Variants in RORA observed in about 807,000 individuals in gnomAD.
RORA encodes the protein nuclear receptor ROR-alpha.
In RORA, 7 loss-of-function variants were observed where a neutral mutation model predicts 69.5. That is an observed-to-expected ratio of 0.10 (90% CI 0.06 to 0.19). The LOEUF (loss-of-function observed/expected upper bound fraction) is 0.19, where lower values mean the gene tolerates loss of function less well. Among genes scored for constraint, RORA ranks in the 10% least tolerant of loss-of-function variants. The pLI is 1.00. For synonymous variants in RORA, 261 were observed against 240.8 expected, an observed-to-expected ratio of 1.08 and a Z score of -0.78; for missense variants, 457 against 663.0, an observed-to-expected ratio of 0.69 and a Z score of 3.41.
At chr15:60,605,824 CAT>C (rs2068932940) in intron 2 of RORA, among the ~76,000 whole-genome samples, 1 of 152,190 alleles carries the variant, frequency 6.6e-6, no homozygotes, top group Non-Finnish European at 1.5e-5. Context: ...GTTTTTTAAA[CAT>C]ATAAATCGTC....
chr15:60,639,666 G>T (rs2069906268), intron 2 of RORA, among the ~76,000 whole-genome samples: 1 of 152,286 alleles, frequency 6.6e-6, no homozygotes, highest in South Asian at 2.1e-4. Flanking sequence ...GTTGTCATCG[G>T]GTTGCACAAG....
At chr15:60,671,551 A>T (rs890047123) in intron 2 of RORA, among the ~76,000 whole-genome samples, 20 of 151,940 alleles carry the variant, frequency 1.3e-4, no homozygotes, top group African/African-American at 4.6e-4. Context: ...CTGAGGCAGG[A>T]GGATCTCTTG....
chr15:60,589,076 A>G (rs1013358137), intron 2 of RORA, among the ~76,000 whole-genome samples: 2 of 152,222 alleles, frequency 1.3e-5, no homozygotes, highest in Non-Finnish European at 2.9e-5. Flanking sequence ...TTCTCTTTTC[A>G]AGATCCAGCC....
At chr15:61,136,438 A>G (rs1040630995) in intron 1 of RORA, among the ~76,000 whole-genome samples, 2 of 152,236 alleles carry the variant, frequency 1.3e-5, no homozygotes, top group African/African-American at 4.8e-5. Context: ...AGTCTCATCT[A>G]CAGTTATTAT....
At chr15:60,675,587 C>T (rs2070540670) in intron 2 of RORA, among the ~76,000 whole-genome samples, 1 of 152,194 alleles carries the variant, frequency 6.6e-6, no homozygotes, top group South Asian at 2.1e-4. Flanking sequence ...GTACCCTTCT[C>T]AGAAGCTTAG....
At chr15:61,018,270 G>A (rs1895374533) in intron 1 of RORA, among the ~76,000 whole-genome samples, 1 of 152,102 alleles carries the variant, frequency 6.6e-6, no homozygotes, top group Admixed American at 6.6e-5. Context: ...CAAGTACCGG[G>A]GGCCTCTCCT....
intron 2 of RORA, among the ~76,000 whole-genome samples, chr15:60,567,559 C>T (rs1038625207): frequency 8.6e-5 from 13 of 151,934 alleles, no homozygotes; most frequent in Non-Finnish European, 1.3e-4. Context: ...TACAGGCATG[C>T]ACCACCACAC....
intron 1 of RORA, among the ~76,000 whole-genome samples, chr15:60,957,617 G>A (rs935828482): frequency 6.6e-6 from 1 of 152,234 alleles, no homozygotes; most frequent in Non-Finnish European, 1.5e-5. Flanking sequence ...ATAGTTCAGT[G>A]AGGCAGAGAT....
intron 2 of RORA, among the ~76,000 whole-genome samples, chr15:60,533,295 C>G (rs953071133): frequency 3.9e-5 from 6 of 152,138 alleles, no homozygotes; most frequent in African/African-American, 1.4e-4. Flanking sequence ...TTCCAGATCT[C>G]ACATCCAGTG....
intron 1 of RORA, among the ~76,000 whole-genome samples, chr15:61,192,603 T>C (rs2079810919): frequency 6.6e-6 from 1 of 152,248 alleles, no homozygotes; most frequent in Admixed American, 6.5e-5. Flanking sequence ...TACACTGCCC[T>C]GAGACCCAAA....
intron 1 of RORA, among the ~76,000 whole-genome samples, chr15:61,028,343 A>G (rs1895940863): frequency 6.6e-6 from 1 of 152,206 alleles, no homozygotes; most frequent in African/African-American, 2.4e-5. Context: ...AATAGAGACT[A>G]TGCCAAGGAA....
chr15:60,846,546 G>C (rs1271183248), intron 1 of RORA, among the ~76,000 whole-genome samples: 1 of 152,184 alleles, frequency 6.6e-6, no homozygotes, highest in Non-Finnish European at 1.5e-5. Context: ...ACTAATTAGA[G>C]CCACTGGTAA....
chr15:61,019,442 C>T (rs185190991), intron 1 of RORA, among the ~76,000 whole-genome samples: 33 of 152,306 alleles, frequency 2.2e-4, no homozygotes, highest in African/African-American at 7.2e-4. Flanking sequence ...ATATACCAAA[C>T]ATTATTTCCT....
intron 1 of RORA, among the ~76,000 whole-genome samples, chr15:61,032,577 T>G (rs533394785): frequency 6.6e-6 from 1 of 152,328 alleles, no homozygotes; most frequent in East Asian, 1.9e-4. Context: ...CACACCCAGG[T>G]TGGACCAAGG....
rs750671943 is a variant in RORA, at chr15:61,153,654, G to C, written c.166+75399C>G. On this transcript the variant is annotated intron_variant, in intron 1 of 10. Coordinates refer to ENST00000335670, the MANE Select transcript of RORA (RefSeq NM_134261.3). ...ATTTTTGTTAATTGATTTGCATGAG[G>C]GGATTTGGGCATGATCAGCTGTAAA... 2.0e-5 allele frequency among the ~76,000 whole-genome samples: 3 copies of C among 152,318 alleles called. No homozygotes were observed. The South Asian group carries it at 6.2e-4, about 32-fold the overall frequency.
intron 1 of RORA, among the ~76,000 whole-genome samples, chr15:60,837,161 C>G (rs1360877071): frequency 2.6e-5 from 4 of 152,012 alleles, no homozygotes; most frequent in African/African-American, 7.2e-5. Context: ...CATGAGCCAT[C>G]ATGCCGCACC....
chr15:61,174,319 C>A (rs553265576), intron 1 of RORA, among the ~76,000 whole-genome samples: 1 of 152,228 alleles, frequency 6.6e-6, no homozygotes, highest in Non-Finnish European at 1.5e-5. Flanking sequence ...TAGTTTCACC[C>A]AGTAAGCTCT....
At chr15:61,174,858 CT>C (rs1346073511) in intron 1 of RORA, among the ~76,000 whole-genome samples, 1 of 152,166 alleles carries the variant, frequency 6.6e-6, no homozygotes, top group Non-Finnish European at 1.5e-5. Context: ...CATAATGGCT[CT>C]CTAAGGTGGT....
intron 1 of RORA, among the ~76,000 whole-genome samples, chr15:60,894,723 C>T (rs1008882925): frequency 6.6e-6 from 1 of 152,206 alleles, no homozygotes; most frequent in African/African-American, 2.4e-5. Flanking sequence ...ATTTCTAGCC[C>T]GTTCCCAGGA....
Sources: gnomAD v4.1 joint callset for allele counts (sites outside exome capture counted in the v4.1 genomes callset) on GRCh38, gnomAD v4.1.1 for gene constraint, MANE v1.5 for transcripts, NCBI Gene and HGNC (gene_info 2026-07-23, HGNC 2026-07-21) for gene names.